The following CLASP2 variants were observed in gnomAD, a reference collection of about 807,000 sequenced individuals.
The protein encoded by CLASP2 is CLIP-associating protein 2.
Under a neutral mutation model 194.4 loss-of-function variants are expected in CLASP2, and 47 were observed. The ratio of observed to expected loss-of-function variants is 0.24; its 90% CI spans 0.19 to 0.31. CLASP2 has a LOEUF of 0.31. Among genes scored for constraint, CLASP2 ranks in the 10% least tolerant of loss-of-function variants. The probability of loss-of-function intolerance (pLI) is 1.00; values close to 1 mark genes in which losing one functional copy is unlikely to be tolerated. For synonymous variants in CLASP2, 619 were observed against 633.5 expected, an observed-to-expected ratio of 0.98 and a Z score of 0.34; for missense variants, 1,445 against 1,823.6, an observed-to-expected ratio of 0.79 and a Z score of 3.78.
intron 31 of CLASP2, 81 bp from the exon 32 acceptor site, chr3:33,543,620 T>C: frequency 1.2e-6 from 1 of 826,124 alleles, no homozygotes; most frequent in South Asian, 1.4e-5. Context: ...CACACAAACA[T>C]TAGGTTGAAC....
At chr3:33,629,740 T>C (rs2078708355) in intron 9 of CLASP2, among the ~76,000 whole-genome samples, 2 of 151,224 alleles carry the variant, frequency 1.3e-5, no homozygotes, top group South Asian at 4.2e-4. Context: ...ATATCCACAG[T>C]TGTAGTTTTG....
At chr3:33,693,614 T>C (rs1034405100) in intron 2 of CLASP2, among the ~76,000 whole-genome samples, 5 of 152,256 alleles carry the variant, frequency 3.3e-5, no homozygotes, top group Non-Finnish European at 5.9e-5. Context: ...CTTTCATGTA[T>C]GTAAAGTAGT....
intron 10 of CLASP2, 137 bp from the exon 11 acceptor site, chr3:33,622,417 A>C: frequency 1.9e-6 from 1 of 534,390 alleles, no homozygotes. Flanking sequence ...CTATATTCAG[A>C]CATCTTAGTA....
At chr3:33,715,826 T>C (rs1202317873) in intron 1 of CLASP2, among the ~76,000 whole-genome samples, 1 of 123,294 alleles carries the variant, frequency 8.1e-6, no homozygotes, top group East Asian at 2.3e-4. Flanking sequence ...AACAGTTAAG[T>C]ATGTTTTATT....
At chr3:33,553,716 G>A (rs993252815) in intron 29 of CLASP2, among the ~76,000 whole-genome samples, 1 of 152,206 alleles carries the variant, frequency 6.6e-6, no homozygotes, top group African/African-American at 2.4e-5. Flanking sequence ...TGTTGGTGAT[G>A]ATGTGGAGAA....
intron 8 of CLASP2, among the ~76,000 whole-genome samples, chr3:33,635,030 C>T (rs1395889924): frequency 1.3e-5 from 2 of 151,904 alleles, no homozygotes; most frequent in Admixed American, 6.6e-5. Flanking sequence ...GCCAGACAGA[C>T]TGCCTGAGCT....
At chr3:33,711,968 T>C (rs1340987310) in intron 1 of CLASP2, among the ~76,000 whole-genome samples, 1 of 152,074 alleles carries the variant, frequency 6.6e-6, no homozygotes, top group Non-Finnish European at 1.5e-5. Context: ...CCCTAAAGAA[T>C]CCTAAAAGTA....
chr3:33,546,651 A>C (rs1467033466), intron 30 of CLASP2, among the ~76,000 whole-genome samples: 5 of 152,172 alleles, frequency 3.3e-5, no homozygotes, highest in Non-Finnish European at 7.4e-5. Flanking sequence ...TCAGCTTGAG[A>C]CATTTTCTAG....
chr3:33,528,107 C>T (rs2055126149), intron 34 of CLASP2, among the ~76,000 whole-genome samples: 1 of 152,150 alleles, frequency 6.6e-6, no homozygotes, highest in African/African-American at 2.4e-5. Context: ...GTCATGTAGG[C>T]CTCATCCCTA....
intron 24 of CLASP2, 169 bp from the exon 25 acceptor site, chr3:33,573,523 G>T: frequency 1.3e-6 from 1 of 752,596 alleles, no homozygotes; most frequent in Non-Finnish European, 2.3e-6. Flanking sequence ...CAGAAAACAA[G>T]TTTTAGAAGT....
At chr3:33,708,083 C>T (rs1575747415) in intron 1 of CLASP2, among the ~76,000 whole-genome samples, 2 of 152,012 alleles carry the variant, frequency 1.3e-5, no homozygotes, top group East Asian at 3.9e-4. Context: ...GTGGTGAGAA[C>T]GTGACATCTA....
chr3:33,694,894 G>C (rs769570270), intron 2 of CLASP2, among the ~76,000 whole-genome samples: 1 of 151,826 alleles, frequency 6.6e-6, no homozygotes, highest in Non-Finnish European at 1.5e-5. Context: ...AGTGAGCCAC[G>C]ATCATACTAC....
At chr3:33,570,000 G>A (rs943296505) in intron 26 of CLASP2, among the ~76,000 whole-genome samples, 2 of 152,030 alleles carry the variant, frequency 1.3e-5, no homozygotes, top group East Asian at 1.9e-4. Context: ...CACATCTCCC[G>A]CTCACTTAGG....
At chr3:33,643,452 T>C (rs1223767346) in intron 8 of CLASP2, among the ~76,000 whole-genome samples, 1 of 151,792 alleles carries the variant, frequency 6.6e-6, no homozygotes, top group Non-Finnish European at 1.5e-5. Flanking sequence ...ATAAAAACTA[T>C]CTTCTAATGG....
intron 2 of CLASP2, among the ~76,000 whole-genome samples, chr3:33,694,894 G>A (rs769570270): frequency 3.3e-5 from 5 of 151,826 alleles, no homozygotes; most frequent in African/African-American, 4.8e-5. Flanking sequence ...AGTGAGCCAC[G>A]ATCATACTAC....
chr3:33,645,077 A>C, intron 7 of CLASP2, 174 bp from the exon 8 acceptor site: 1 of 687,130 alleles, frequency 1.5e-6, no homozygotes, highest in Non-Finnish European at 2.5e-6. Context: ...CATATAAAAT[A>C]ATCCTCTGTA....
At chr3:33,644,327 C>T in intron 8 of CLASP2, 1 of 167,676 alleles carries the variant, frequency 6.0e-6, no homozygotes, top group Non-Finnish European at 1.3e-5. Flanking sequence ...GTATCTTCAA[C>T]CATTTTTTAA....
chr3:33,704,630 G>A (rs756393180), intron 1 of CLASP2, among the ~76,000 whole-genome samples: 72 of 152,078 alleles, frequency 4.7e-4, no homozygotes, highest in Non-Finnish European at 9.0e-4. Context: ...GCACGCGCCT[G>A]TAGTCCCAGC....
At chr3:33,595,955 A>G (rs1335819619) in intron 19 of CLASP2, among the ~76,000 whole-genome samples, 1 of 152,082 alleles carries the variant, frequency 6.6e-6, no homozygotes, top group Non-Finnish European at 1.5e-5. Flanking sequence ...TTCCATTTAC[A>G]TAATAATTTA....
Sources: allele counts gnomAD v4.1 joint callset (sites outside exome capture counted in the v4.1 genomes callset), GRCh38; gene constraint gnomAD v4.1.1; transcripts MANE v1.5; gene names NCBI Gene and HGNC (gene_info 2026-07-23, HGNC 2026-07-21).